GDPD4: variants seen among roughly 807,000 people sequenced by gnomAD.
GDPD4 encodes the protein glycerophosphodiester phosphodiesterase 6.
In GDPD4, 60 loss-of-function variants were observed where a neutral mutation model predicts 67.8. The observed-to-expected ratio is 0.88, with a 90% CI of 0.72 to 1.10. GDPD4 has a LOEUF of 1.10. Among genes scored for constraint, GDPD4 ranks in the 50% least tolerant of loss-of-function variants. GDPD4 has a pLI of 0.00. For synonymous variants in GDPD4, 212 were observed against 210.9 expected, an observed-to-expected ratio of 1.00 and a Z score of -0.04; for missense variants, 623 against 613.9, an observed-to-expected ratio of 1.01 and a Z score of -0.16.
At chr11:77,253,572 C>T (rs1042112714) in intron 11 of GDPD4, among the ~76,000 whole-genome samples, 1 of 152,114 alleles carries the variant, frequency 6.6e-6, no homozygotes, top group Non-Finnish European at 1.5e-5. Context: ...TATCTCTCCT[C>T]AGACACTGGT....
At chr11:77,218,048 C>A (rs1272671867) in intron 16 of GDPD4, among the ~76,000 whole-genome samples, 2 of 149,794 alleles carry the variant, frequency 1.3e-5, no homozygotes, top group Non-Finnish European at 3.0e-5. Context: ...TTTTTTTTAA[C>A]CTGAGTGTAA....
intron 16 of GDPD4, among the ~76,000 whole-genome samples, chr11:77,219,630 A>G (rs991912489): frequency 6.6e-6 from 1 of 152,222 alleles, no homozygotes; most frequent in Non-Finnish European, 1.5e-5. Context: ...TTTATTAAAT[A>G]GGGAATCCTT....
intron 1 of GDPD4, among the ~76,000 whole-genome samples, chr11:77,301,272 A>ATACATG (rs1287197872): frequency 6.6e-6 from 1 of 152,112 alleles, no homozygotes; most frequent in South Asian, 2.1e-4. Context: ...TCCTCCTGCA[A>ATACATG]TCTGTCCCAT....
Position 77,289,654 on chromosome 11 carries a change from C to T in GDPD4, c.-253-2234G>A, listed in dbSNP as rs542606391. ...GCTGAGGCAGAAGAATTGTTTGAAC[C>T]TGGAAGGCGGAGGTTGCAGTGAGCT... On this transcript the variant is annotated intron_variant, in intron 1 of 16. Transcript: ENST00000315938. Among the ~76,000 whole-genome samples, 11 of 151,486 alleles carry T rather than the reference C, an allele frequency of 7.3e-5. No individual in the cohort carries two copies. In the East Asian group the frequency reaches 2.1e-3, roughly 30 times the overall value.
At chr11:77,265,006 T>C (rs539042567) in intron 10 of GDPD4, among the ~76,000 whole-genome samples, 2 of 152,254 alleles carry the variant, frequency 1.3e-5, no homozygotes, top group South Asian at 2.1e-4. Flanking sequence ...AACAGACTTA[T>C]ATCTGTTTAA....
At chr11:77,235,009 G>GTGTTTTTTTTTTTTTTTTTTT (rs1413310722) in intron 13 of GDPD4, among the ~76,000 whole-genome samples, 1 of 52,254 alleles carries the variant, frequency 1.9e-5, no homozygotes, top group Non-Finnish European at 3.7e-5. Context: ...GTCAATATCT[G>GTGTTTTTTTTTTTTTTTTTTT]TTTTTTTTTT....
In GDPD4 at chr11:77,269,993, C is replaced by A. The variant is rs761956211; in HGVS notation, c.401-33G>T. ...TTAGAAAGTGAAAAAGAAAAGAGTTCATTATTGTCCCCTTTAAGCCCTTGC... is the reference window on the plus strand; with the variant it reads ...TTAGAAAGTGAAAAAGAAAAGAGTTAATTATTGTCCCCTTTAAGCCCTTGC... On this transcript the variant is annotated intron_variant, in intron 7 of 16. Coordinates refer to ENST00000315938, the MANE Select transcript of GDPD4 (RefSeq NM_182833.3). 2.7e-6 allele frequency: 3 copies of A among 1,107,814 alleles called. No homozygotes were observed. The African/African-American group carries it at 4.7e-5, about 17-fold the overall frequency. 68.6% of individuals were successfully genotyped at this position (1,107,814 alleles called of 1,614,324 possible). A position where few individuals can be genotyped will look rare whatever the true frequency, so the allele number is the denominator to read the frequency against.
intron 10 of GDPD4, among the ~76,000 whole-genome samples, chr11:77,266,841 A>G (rs1205489633): frequency 2.0e-5 from 3 of 152,254 alleles, no homozygotes; most frequent in Non-Finnish European, 2.9e-5. Context: ...TTGTGCTTAC[A>G]CTAAGTGTTA....
intron 11 of GDPD4, among the ~76,000 whole-genome samples, chr11:77,253,286 G>A (rs1958941010): frequency 6.6e-6 from 1 of 152,188 alleles, no homozygotes; most frequent in Non-Finnish European, 1.5e-5. Flanking sequence ...AGCCAACAGG[G>A]CTCAGTGGCA....
At chr11:77,225,133 C>G (rs182023966) in intron 16 of GDPD4, among the ~76,000 whole-genome samples, 1 of 151,880 alleles carries the variant, frequency 6.6e-6, no homozygotes, top group East Asian at 1.9e-4. Context: ...AACTAGTAAA[C>G]ACAGCAATAG....
chr11:77,247,750 G>C (rs532760524), intron 11 of GDPD4, among the ~76,000 whole-genome samples: 6 of 152,252 alleles, frequency 3.9e-5, no homozygotes, highest in African/African-American at 1.4e-4. Context: ...TATAATATTG[G>C]TTAAGAAATA....
intron 11 of GDPD4, among the ~76,000 whole-genome samples, chr11:77,246,144 G>C (rs555942402): frequency 6.6e-6 from 1 of 152,104 alleles, no homozygotes; most frequent in Admixed American, 6.5e-5. Context: ...AAAATAGCTG[G>C]GTGTGGAGAT....
chr11:77,258,561 A>G lies in GDPD4; in HGVS notation c.708-19T>C. On this transcript the variant is annotated intron_variant, in intron 10 of 16. Coordinates refer to ENST00000315938, the MANE Select transcript of GDPD4 (RefSeq NM_182833.3). ...ATCATAACTGAGGCAGAGGTAGAAAAGAAGGGCAGGGGTAGATAGGCTGAA... is the reference window on the plus strand; with the variant it reads ...ATCATAACTGAGGCAGAGGTAGAAAGGAAGGGCAGGGGTAGATAGGCTGAA... 6.2e-7 allele frequency: 1 copy of G among 1,613,342 alleles called. No homozygotes were observed. Among genetic ancestry groups the G allele is most frequent in the Non-Finnish European group, 8.5e-7 (1 of 1,179,328 alleles).
At chr11:77,270,161 G>T (rs1959202279) in intron 7 of GDPD4, among the ~76,000 whole-genome samples, 1 of 152,138 alleles carries the variant, frequency 6.6e-6, no homozygotes, top group South Asian at 2.1e-4. Context: ...TAAAAAGGAG[G>T]AAAAAGGAGA....
At chr11:77,282,424 C>A (rs967539500) in intron 3 of GDPD4, among the ~76,000 whole-genome samples, 1 of 152,018 alleles carries the variant, frequency 6.6e-6, no homozygotes, top group Non-Finnish European at 1.5e-5. Flanking sequence ...GGAGGTCGAG[C>A]GGGCAGATCA....
intron 13 of GDPD4, among the ~76,000 whole-genome samples, chr11:77,233,535 C>A (rs1453130072): frequency 2.6e-5 from 4 of 151,396 alleles, no homozygotes; most frequent in African/African-American, 4.9e-5. Context: ...AACACTCCTA[C>A]CATAGCCAAC....
In GDPD4 at chr11:77,269,924, T is replaced by A. The variant is rs778797543; in HGVS notation, c.437A>T (p.Lys146Ile). Reference protein sequence around the residue: ...MRRYRMTHSEKKRLKQCNVIT... With the variant: ...MRRYRMTHSEIKRLKQCNVIT... Reference sequence around the variant, plus strand: ...TACATTACATTGCTTGAGTCTTTTTTTCTCAGAATGTGTCATCCTGTATCT... The same window carrying A: ...TACATTACATTGCTTGAGTCTTTTTATCTCAGAATGTGTCATCCTGTATCT... The change falls in exon 8 of 17, where the codon AAA becomes ATA. Residue 146 changes from lysine to isoleucine, a missense_variant. Transcript: ENST00000315938. 64 of 1,588,442 alleles carry A rather than the reference T, an allele frequency of 4.0e-5. 2 individuals are homozygous for A. The South Asian group carries it at 6.7e-4, about 17-fold the overall frequency.
intron 1 of GDPD4, among the ~76,000 whole-genome samples, chr11:77,298,694 G>T (rs1385496191): frequency 6.6e-6 from 1 of 151,990 alleles, no homozygotes; most frequent in African/African-American, 2.4e-5. Context: ...ATCTCTTTAG[G>T]ATCGGAAGGG....
At chr11:77,245,863 G>C (rs1387557467) in intron 11 of GDPD4, among the ~76,000 whole-genome samples, 1 of 152,104 alleles carries the variant, frequency 6.6e-6, no homozygotes, top group Non-Finnish European at 1.5e-5. Context: ...GTAATAGGAA[G>C]AACACATGCT....
Sources: allele counts gnomAD v4.1 joint callset (sites outside exome capture counted in the v4.1 genomes callset), GRCh38; gene constraint gnomAD v4.1.1; transcripts MANE v1.5; gene names NCBI Gene and HGNC (gene_info 2026-07-23, HGNC 2026-07-21).